The following ABCB5 variants were observed in gnomAD, a reference collection of about 807,000 sequenced individuals.
ABCB5 encodes the protein ATP-binding cassette sub-family B member 5.
ABCB5 carries 155 observed loss-of-function variants against 144.2 expected under a neutral mutation model. That is an observed-to-expected ratio of 1.08 (90% CI 0.94 to 1.23). ABCB5 has a LOEUF of 1.23. Ranked by LOEUF, ABCB5 falls within the 50% of genes most tolerant of loss-of-function variation. The pLI is 0.00. For missense variants in ABCB5, 1,830 were observed against 1,520.8 expected, an observed-to-expected ratio of 1.20 and a Z score of -3.38; for synonymous variants, 610 against 528.6, an observed-to-expected ratio of 1.15 and a Z score of -2.11.
rs781667194 is a variant in ABCB5, at chr7:20,700,112, G to C, written c.2314G>C (p.Ala772Pro). ...TTTAACGATGAGATTAAGACACTTG[G>C]CCTTCAAAGCCATGTTATATCAGGT... ...EILTMRLRHL[A>P]FKAMLYQDIA... Residue 772 changes from alanine (A) to proline (P), a missense_variant, in exon 19 of 28, where the codon GCC (alanine) becomes CCC (proline). Physicochemically the swap from Ala to Pro is conservative, Grantham distance 27. Coordinates refer to ENST00000404938, the MANE Select transcript of ABCB5 (RefSeq NM_001163941.2). 4.3e-6 allele frequency: 7 copies of C among 1,612,490 alleles called. No individual in the cohort carries two copies. The highest frequency in any genetic ancestry group is 5.9e-6 in the Non-Finnish European group (7 of 1,179,346).
intron 9 of ABCB5, chr7:20,647,270 A>G: frequency 8.4e-7 from 1 of 1,184,068 alleles, no homozygotes; most frequent in Non-Finnish European, 1.0e-6. Context: ...TGATAACCAC[A>G]AGACTATGAG....
At chr7:20,749,085 TCTTG>T (rs1400334678) in intron 26 of ABCB5, among the ~76,000 whole-genome samples, 1 of 151,974 alleles carries the variant, frequency 6.6e-6, no homozygotes, top group Non-Finnish European at 1.5e-5. Flanking sequence ...TCTCTTTCTT[TCTTG>T]CTTGCTTTTC....
intron 20 of ABCB5, among the ~76,000 whole-genome samples, chr7:20,711,778 C>CTCTCTCTCTTTCTTTCTCTCTCTT (rs1562573557): frequency 2.1e-5 from 1 of 47,110 alleles, no homozygotes; most frequent in African/African-American, 1.2e-4. Context: ...TTCCTTCTTT[C>CTCTCTCTCTTTCTTTCTCTCTCTT]TCTTTCTTTC....
chr7:20,719,059 C>G (rs1583448742), intron 20 of ABCB5, among the ~76,000 whole-genome samples: 1 of 152,228 alleles, frequency 6.6e-6, no homozygotes, highest in African/African-American at 2.4e-5. Flanking sequence ...AATCAGGATA[C>G]AAAACTGCAT....
At chr7:20,750,383 TACACACACACACACAC>T (rs3033674) in intron 26 of ABCB5, among the ~76,000 whole-genome samples, 13 of 141,088 alleles carry the variant, frequency 9.2e-5, no homozygotes, top group Admixed American at 4.3e-4. Context: ...GGCTTCCCCC[TACACACACACACACAC>T]ACACACACAC....
In ABCB5 at chr7:20,702,149, G is replaced by C. The variant is rs79586804; in HGVS notation, c.2337+2014G>C. ...TACTTTAGATTCTTCCTGTTGAAAAGAATGTTCTAAGTGTTGCTGACTTCA... is the reference window on the plus strand; with the variant it reads ...TACTTTAGATTCTTCCTGTTGAAAACAATGTTCTAAGTGTTGCTGACTTCA... On this transcript the variant is annotated intron_variant, in intron 19 of 27. Transcript: ENST00000404938. Among the ~76,000 whole-genome samples, 124 of 152,292 alleles carry C rather than the reference G, an allele frequency of 8.1e-4. 4 individuals carry two copies. The East Asian group carries it at 0.022, about 27-fold the overall frequency.
intron 16 of ABCB5, among the ~76,000 whole-genome samples, chr7:20,696,608 G>T (rs1375593800): frequency 6.6e-6 from 1 of 152,012 alleles, no homozygotes; most frequent in Non-Finnish European, 1.5e-5. Context: ...ACTCAAGAAA[G>T]CTCTAAGCTG....
intron 20 of ABCB5, among the ~76,000 whole-genome samples, chr7:20,722,758 G>A (rs1781911741): frequency 6.6e-6 from 1 of 152,112 alleles, no homozygotes; most frequent in Admixed American, 6.5e-5. Context: ...GGAGTCGGAG[G>A]TTGCAGTGAG....
chr7:20,646,343 G>A (rs1784410130), intron 9 of ABCB5, among the ~76,000 whole-genome samples: 1 of 152,130 alleles, frequency 6.6e-6, no homozygotes, highest in Non-Finnish European at 1.5e-5. Context: ...TAGTGTCCTC[G>A]CTGTGTCAAG....
chr7:20,684,892 G>A (rs550072977), intron 15 of ABCB5, among the ~76,000 whole-genome samples: 8 of 152,304 alleles, frequency 5.3e-5, no homozygotes, highest in African/African-American at 1.9e-4. Context: ...GGCCAGACCT[G>A]CTGGCAACTT....
At chr7:20,742,816 C>T (rs1298198080) in intron 24 of ABCB5, 61 bp from the exon 25 acceptor site, 3 of 1,535,336 alleles carry the variant, frequency 2.0e-6, no homozygotes, top group Non-Finnish European at 1.8e-6. Flanking sequence ...GGCCAGTATG[C>T]TACAGTGTGT....
At chr7:20,726,958 T>A (rs1782056147) in intron 21 of ABCB5, 82 bp from the exon 22 acceptor site, 1 of 891,802 alleles carries the variant, frequency 1.1e-6, no homozygotes, top group Admixed American at 2.4e-5. Context: ...ATGTCCCCAG[T>A]GTGAGTGACT....
chr7:20,637,420 A>AT (rs71020651), intron 5 of ABCB5, among the ~76,000 whole-genome samples: 15,577 of 142,920 alleles, frequency 0.11, 1,019 homozygotes, highest in Non-Finnish European at 0.15. Context: ...TGATTACTTA[A>AT]TTTTTTTTTT....
chr7:20,685,577 C>T, intron 15 of ABCB5, 119 bp from the exon 16 acceptor site: 3 of 881,528 alleles, frequency 3.4e-6, no homozygotes, highest in African/African-American at 1.7e-5. Flanking sequence ...GCAAGAACTA[C>T]ATTAGAATAT....
At chr7:20,742,771 GC>G (rs1782601110) in intron 24 of ABCB5, 105 bp from the exon 25 acceptor site, 2 of 1,097,652 alleles carry the variant, frequency 1.8e-6, no homozygotes, top group Admixed American at 2.1e-5. Context: ...AATTAAAAGG[GC>G]TCTGGAAACA....
chr7:20,629,938 G>C (rs1784000508), intron 4 of ABCB5, among the ~76,000 whole-genome samples: 1 of 152,126 alleles, frequency 6.6e-6, no homozygotes, highest in Non-Finnish European at 1.5e-5. Flanking sequence ...TACAACTAGA[G>C]ACAGATACCC....
chr7:20,732,126 T>C (rs564281320), intron 23 of ABCB5, among the ~76,000 whole-genome samples: 1 of 152,178 alleles, frequency 6.6e-6, no homozygotes, highest in Non-Finnish European at 1.5e-5. Context: ...TAACTACTCA[T>C]CAGCCCCACA....
At chr7:20,651,275 T>A in intron 12 of ABCB5, 145 bp from the exon 13 acceptor site, 2 of 754,082 alleles carry the variant, frequency 2.7e-6, no homozygotes, top group Non-Finnish European at 4.2e-6. Context: ...ACAATATATA[T>A]GTTAGAAATA....
chr7:20,683,528 T>C (rs991048621), intron 15 of ABCB5, among the ~76,000 whole-genome samples: 2 of 152,120 alleles, frequency 1.3e-5, no homozygotes, highest in African/African-American at 4.8e-5. Context: ...TATTTTTTAT[T>C]GTAATTAAAC....
Sources: allele counts gnomAD v4.1 joint callset (sites outside exome capture counted in the v4.1 genomes callset), GRCh38; gene constraint gnomAD v4.1.1; transcripts MANE v1.5; gene names NCBI Gene and HGNC (gene_info 2026-07-23, HGNC 2026-07-21).